The following CCDC7 variants were observed in gnomAD, a reference collection of about 807,000 sequenced individuals.
CCDC7 encodes the protein coiled-coil domain-containing protein 7.
A neutral mutation model predicts 196.9 loss-of-function variants in CCDC7; 183 were observed. The ratio of observed to expected loss-of-function variants is 0.93; its 90% CI spans 0.82 to 1.05. CCDC7 has a LOEUF of 1.05. Among genes scored for constraint, CCDC7 ranks in the 50% least tolerant of loss-of-function variants. The probability of loss-of-function intolerance (pLI) is 0.00; values close to 1 mark genes in which losing one functional copy is unlikely to be tolerated. For missense variants in CCDC7, 1,540 were observed against 1,482.2 expected, an observed-to-expected ratio of 1.04 and a Z score of -0.64; for synonymous variants, 525 against 484.6, an observed-to-expected ratio of 1.08 and a Z score of -1.10.
At chr10:32,670,365 T>C (rs758194332) in intron 21 of CCDC7, among the ~76,000 whole-genome samples, 1 of 151,774 alleles carries the variant, frequency 6.6e-6, no homozygotes, top group Admixed American at 6.6e-5. Flanking sequence ...TGATTTCCTA[T>C]ACTTTTATTT....
intron 21 of CCDC7, among the ~76,000 whole-genome samples, chr10:32,669,144 C>A (rs1486838369): frequency 1.3e-5 from 2 of 151,992 alleles, no homozygotes; most frequent in East Asian, 3.9e-4. Flanking sequence ...TTTTCTGCAT[C>A]TATTGAGATT....
At chr10:32,488,117 C>G (rs1184574179) in intron 8 of CCDC7, among the ~76,000 whole-genome samples, 1 of 152,234 alleles carries the variant, frequency 6.6e-6, no homozygotes, top group Non-Finnish European at 1.5e-5. Flanking sequence ...CCTCCTTGAG[C>G]TGTGGTTGGC....
intron 23 of CCDC7, among the ~76,000 whole-genome samples, chr10:32,691,156 AG>A (rs1185638844): frequency 6.6e-6 from 1 of 152,156 alleles, no homozygotes; most frequent in African/African-American, 2.4e-5. Flanking sequence ...TATTTTCGAG[AG>A]CATGAAGTTT....
exon 1 of CCDC7, chr10:32,446,197 G>A (rs1280239624): frequency 6.6e-6 from 1 of 152,208 alleles, no homozygotes; most frequent in African/African-American, 2.4e-5. Flanking sequence ...CCGCCCGGGG[G>A]CGCAGAGGCC....
At chr10:32,706,315 A>T (rs888026116) in intron 24 of CCDC7, among the ~76,000 whole-genome samples, 3 of 152,150 alleles carry the variant, frequency 2.0e-5, no homozygotes, top group Non-Finnish European at 4.4e-5. Context: ...GACACATTTA[A>T]AGCAGTATGT....
rs1032319630 is a variant in CCDC7, at chr10:32,703,311, A to G, written c.2459-8309A>G. 2.1e-4 allele frequency among the ~76,000 whole-genome samples: 32 copies of G among 152,048 alleles called. 1 individual carries two copies. The highest frequency in any genetic ancestry group is 4.4e-5 in the Non-Finnish European group (3 of 68,006). Reference sequence around the variant, plus strand: ...CTGGATATGAAATTCTGAGTTGAAAATTCTTTTCTTTATGAATGTTGAATA... The same window carrying G: ...CTGGATATGAAATTCTGAGTTGAAAGTTCTTTTCTTTATGAATGTTGAATA... On this transcript the variant is annotated intron_variant, in intron 24 of 41. Transcript: ENST00000639629.
intron 21 of CCDC7, among the ~76,000 whole-genome samples, chr10:32,677,271 C>T (rs1183502748): frequency 4.0e-5 from 6 of 150,738 alleles, no homozygotes; most frequent in Non-Finnish European, 7.4e-5. Context: ...TGCTAAATGA[C>T]GAGTTAATGG....
chr10:32,555,413 T>G lies in CCDC7; in HGVS notation c.1135-10145T>G, dbSNP rs139604633. Reference sequence around the variant, plus strand: ...GGCGGGCGCCACCACACCCAGCTAATTTTTGTATTTTTAGTAGAGGCGGGG... The same window carrying G: ...GGCGGGCGCCACCACACCCAGCTAAGTTTTGTATTTTTAGTAGAGGCGGGG... On this transcript the variant is annotated intron_variant, in intron 13 of 41. Transcript: ENST00000639629. Among the ~76,000 whole-genome samples the G allele has an allele frequency of 5.9e-3, 898 of 152,156 alleles. 9 individuals carry two copies. Among genetic ancestry groups the G allele is most frequent in the African/African-American group, 0.021 (856 of 41,502 alleles).
chr10:32,649,418 T>G (rs2068334793), intron 20 of CCDC7, among the ~76,000 whole-genome samples: 1 of 152,224 alleles, frequency 6.6e-6, no homozygotes, highest in Non-Finnish European at 1.5e-5. Flanking sequence ...CTTCTCTAGG[T>G]GACTGGCACC....
At chr10:32,595,572 T>C (rs562727068) in intron 18 of CCDC7, among the ~76,000 whole-genome samples, 1 of 152,352 alleles carries the variant, frequency 6.6e-6, no homozygotes, top group Admixed American at 6.5e-5. Flanking sequence ...AGTTATTTCT[T>C]GCCTTCTGCA....
chr10:32,661,600 C>A (rs1276272222), intron 20 of CCDC7, among the ~76,000 whole-genome samples: 2 of 152,138 alleles, frequency 1.3e-5, no homozygotes, highest in East Asian at 1.9e-4. Flanking sequence ...GGTGATAGAT[C>A]TTGCCAGGAC....
At chr10:32,766,450 C>A (rs77294238) in intron 28 of CCDC7, among the ~76,000 whole-genome samples, 20,940 of 151,980 alleles carry the variant, frequency 0.14, 1,759 homozygotes, top group East Asian at 0.25. Context: ...TCTTACAGAT[C>A]CAATGGTGCT....
intron 8 of CCDC7, among the ~76,000 whole-genome samples, chr10:32,474,634 G>A (rs1247912334): frequency 6.6e-6 from 1 of 152,276 alleles, no homozygotes; most frequent in East Asian, 1.9e-4. Flanking sequence ...CCTTTGAGGT[G>A]TGGCAGTGAT....
intron 29 of CCDC7, among the ~76,000 whole-genome samples, chr10:32,802,309 A>T (rs183308164): frequency 1.1e-4 from 17 of 152,326 alleles, no homozygotes; most frequent in Admixed American, 1.0e-3. Context: ...AACTCCTTGC[A>T]TCTCTTGAGC....
At position 32,456,500 on chromosome 10, in the gene CCDC7, T is replaced by A. The variant is rs189315398; in HGVS notation, c.456+166T>A. On this transcript the variant is annotated intron_variant, in intron 3 of 41. Transcript: ENST00000639629. ...TTATTTATTTTTTATTCTTTTTTTT[T>A]AATCATCATCAAGGGTTTTTACTAT... 2.0e-3 allele frequency: 1,032 copies of A among 526,688 alleles called. 7 individuals are homozygous for A. Among genetic ancestry groups the A allele is most frequent in the African/African-American group, 0.018 (897 of 50,620 alleles). The allele number at this position is 526,688 out of a possible 1,614,324, so 32.6% of individuals were successfully genotyped here. A position where few individuals can be genotyped will look rare whatever the true frequency, so the allele number is the denominator to read the frequency against.
At chr10:32,809,180 A>G (rs1323664021) in intron 30 of CCDC7, among the ~76,000 whole-genome samples, 1 of 152,216 alleles carries the variant, frequency 6.6e-6, no homozygotes, top group East Asian at 1.9e-4. Context: ...AAAAGCGAGG[A>G]AATGTGACAC....
At chr10:32,680,388 G>A (rs962875942) in intron 21 of CCDC7, among the ~76,000 whole-genome samples, 1 of 151,884 alleles carries the variant, frequency 6.6e-6, no homozygotes, top group Non-Finnish European at 1.5e-5. Context: ...ATACCAATGA[G>A]AGTTTATGTT....
upstream of CCDC7, among the ~76,000 whole-genome samples, chr10:32,445,054 A>G (rs1200064661): frequency 6.6e-6 from 1 of 152,052 alleles, no homozygotes; most frequent in East Asian, 1.9e-4. Context: ...GGGTTTCACC[A>G]TGTTGGCCAG....
At chr10:32,561,967 A>T (rs1216767125) in intron 13 of CCDC7, among the ~76,000 whole-genome samples, 1 of 151,746 alleles carries the variant, frequency 6.6e-6, no homozygotes, top group Non-Finnish European at 1.5e-5. Context: ...GATAAAGGGG[A>T]TATCACCACC....
Sources: gnomAD v4.1 joint callset for allele counts (sites outside exome capture counted in the v4.1 genomes callset) on GRCh38, gnomAD v4.1.1 for gene constraint, MANE v1.5 for transcripts, NCBI Gene and HGNC (gene_info 2026-07-23, HGNC 2026-07-21) for gene names.